The following FBXL13 variants were observed in gnomAD, a reference collection of about 807,000 sequenced individuals.
The protein encoded by FBXL13 is F-box and leucine-rich repeat protein 13.
Under a neutral mutation model 83.6 loss-of-function variants are expected in FBXL13, and 67 were observed. The observed-to-expected ratio is 0.80, with a 90% confidence interval of 0.66 to 0.98. The LOEUF is 0.98. Ranked by LOEUF, FBXL13 falls within the 50% of genes least tolerant of loss-of-function variation. The pLI is 0.00. For missense variants in FBXL13, 822 were observed against 866.5 expected, an observed-to-expected ratio of 0.95 and a Z score of 0.64; for synonymous variants, 272 against 299.5, an observed-to-expected ratio of 0.91 and a Z score of 0.95.
At chr7:103,060,114 T>A (rs1180926871) in intron 1 of FBXL13, among the ~76,000 whole-genome samples, 9 of 138,618 alleles carry the variant, frequency 6.5e-5, no homozygotes, top group African/African-American at 2.2e-4. Flanking sequence ...CAGGCTGGAG[T>A]GCAGTAGCAC....
chr7:102,925,356 T>C (rs1817919239), intron 10 of FBXL13, among the ~76,000 whole-genome samples: 2 of 152,236 alleles, frequency 1.3e-5, no homozygotes, highest in South Asian at 4.1e-4. Context: ...GATTGTACCA[T>C]TGCATTGCAG....
At chr7:102,980,816 A>T (rs180952254) in intron 6 of FBXL13, among the ~76,000 whole-genome samples, 151 of 152,282 alleles carry the variant, frequency 9.9e-4, no homozygotes, top group Middle Eastern at 3.4e-3. Flanking sequence ...CTTATCAAAA[A>T]AATAGGGATA....
chr7:102,878,436 C>T, exon 15 of FBXL13: 1 of 1,598,098 alleles, frequency 6.3e-7, no homozygotes, highest in Non-Finnish European at 8.5e-7. Flanking sequence ...TTGCTTTAGT[C>T]CCATATCACC....
intron 16 of FBXL13, among the ~76,000 whole-genome samples, chr7:102,865,832 CT>C (rs1180811704): frequency 3.9e-5 from 6 of 152,092 alleles, no homozygotes; most frequent in African/African-American, 1.4e-4. Flanking sequence ...GGGTGTGCCA[CT>C]GTGCCCAGCC....
chr7:102,992,206 C>G (rs1829651078), intron 6 of FBXL13, among the ~76,000 whole-genome samples: 2 of 152,322 alleles, frequency 1.3e-5, no homozygotes, highest in East Asian at 3.9e-4. Flanking sequence ...CATCATGTTA[C>G]TGGCTTGCAG....
At chr7:102,848,188 A>G (rs910450686) in intron 17 of FBXL13, among the ~76,000 whole-genome samples, 1 of 152,012 alleles carries the variant, frequency 6.6e-6, no homozygotes, top group Non-Finnish European at 1.5e-5. Context: ...AACTACCTCA[A>G]CCTGCTAACA....
At chr7:102,993,113 C>T (rs546140308) in intron 6 of FBXL13, among the ~76,000 whole-genome samples, 4 of 152,232 alleles carry the variant, frequency 2.6e-5, no homozygotes, top group Non-Finnish European at 4.4e-5. Context: ...CTTTCCTTAT[C>T]TGAAGTTCAC....
chr7:102,869,878 G>A (rs1392107226), intron 16 of FBXL13, among the ~76,000 whole-genome samples: 2 of 152,194 alleles, frequency 1.3e-5, no homozygotes, highest in African/African-American at 4.8e-5. Context: ...TGCAGCAAAG[G>A]TGAGTACGAG....
At chr7:103,001,120 A>ATTT (rs546579010) in intron 6 of FBXL13, among the ~76,000 whole-genome samples, 1,789 of 149,606 alleles carry the variant, frequency 0.012, 16 homozygotes, top group Non-Finnish European at 0.02. Context: ...CTATATATAT[A>ATTT]TTTTTTTTTG....
chr7:102,893,108 A>G (rs946233510), intron 11 of FBXL13, among the ~76,000 whole-genome samples: 20 of 152,214 alleles, frequency 1.3e-4, no homozygotes, highest in African/African-American at 4.8e-4. Flanking sequence ...TGTTGTTCCA[A>G]TTAACGTTTA....
rs1299321015 is a variant in FBXL13, at chr7:103,022,211, T to C, written c.495+2852A>G. 1.3e-5 allele frequency among the ~76,000 whole-genome samples: 2 copies of C among 151,978 alleles called. 1 individual carries two copies. The highest frequency in any genetic ancestry group is 3.9e-4 in the East Asian group (2 of 5,188). On this transcript the variant is annotated intron_variant, in intron 6 of 19. Coordinates refer to ENST00000313221, the Ensembl canonical transcript of FBXL13. ...TGGATGAAGCTGGAAACCATCATTCTCAGCAAATTATCACAAGGACAGAAA... is the reference window on the plus strand; with the variant it reads ...TGGATGAAGCTGGAAACCATCATTCCCAGCAAATTATCACAAGGACAGAAA...
At position 102,883,475 on chromosome 7, in the gene FBXL13, T is replaced by TA. The variant is rs1016917334; in HGVS notation, c.1226-9dup. The TA allele has an allele frequency of 5.0e-6, 8 of 1,603,406 alleles. No individual in the cohort carries two copies. The highest frequency in any genetic ancestry group is 6.8e-6 in the Non-Finnish European group (8 of 1,175,146). ...CAGTAACCCTTTTATTTCCTGTTTT[T>TA]AAAAAACAGAAGAAAAGACAAGTAT... On this transcript the variant is annotated splice_polypyrimidine_tract_variant and intron_variant, in intron 13 of 19. Transcript: ENST00000313221.
At chr7:102,959,608 A>G (rs1824860247) in intron 8 of FBXL13, among the ~76,000 whole-genome samples, 1 of 152,070 alleles carries the variant, frequency 6.6e-6, no homozygotes, top group East Asian at 1.9e-4. Flanking sequence ...GTACATGTAT[A>G]TGACATTCTA....
chr7:102,993,646 C>G (rs778460128), intron 6 of FBXL13, among the ~76,000 whole-genome samples: 2 of 151,552 alleles, frequency 1.3e-5, no homozygotes, highest in African/African-American at 2.4e-5. Flanking sequence ...ACAGTCTTTG[C>G]CAACCCTCCC....
chr7:102,853,115 C>G (rs1433871137), intron 17 of FBXL13, among the ~76,000 whole-genome samples: 1 of 152,058 alleles, frequency 6.6e-6, no homozygotes, highest in Non-Finnish European at 1.5e-5. Context: ...TAATTGGGAG[C>G]TAAGCTATGA....
At chr7:102,967,411 T>C (rs929070667) in intron 7 of FBXL13, among the ~76,000 whole-genome samples, 3 of 152,186 alleles carry the variant, frequency 2.0e-5, no homozygotes, top group Admixed American at 1.3e-4. Context: ...TAACTGGGAT[T>C]ACAGGCACCT....
intron 9 of FBXL13, among the ~76,000 whole-genome samples, chr7:102,927,698 C>A (rs997720060): frequency 6.6e-6 from 1 of 152,096 alleles, no homozygotes; most frequent in Non-Finnish European, 1.5e-5. Flanking sequence ...CAGTGCAGAG[C>A]TTTTGATAAA....
intron 2 of FBXL13, among the ~76,000 whole-genome samples, chr7:103,052,553 C>T (rs961537665): frequency 6.6e-6 from 1 of 152,062 alleles, no homozygotes; most frequent in African/African-American, 2.4e-5. Context: ...TGGAGATTCA[C>T]ATTTTCATGT....
At chr7:102,929,278 C>T (rs182542877) in intron 9 of FBXL13, among the ~76,000 whole-genome samples, 67 of 152,186 alleles carry the variant, frequency 4.4e-4, no homozygotes, top group African/African-American at 1.4e-3. Context: ...AGTTCTAAAA[C>T]GGGAGATACA....
Sources: gnomAD v4.1 joint callset for allele counts (sites outside exome capture counted in the v4.1 genomes callset) on GRCh38, gnomAD v4.1.1 for gene constraint, MANE v1.5 for transcripts, NCBI Gene and HGNC (gene_info 2026-07-23, HGNC 2026-07-21) for gene names.